The following CDH12 variants were observed in gnomAD, a reference collection of about 807,000 sequenced individuals.
CDH12 encodes the protein cadherin-12.
Under a neutral mutation model 74.1 loss-of-function variants are expected in CDH12, and 41 were observed. That is an observed-to-expected ratio of 0.55 (90% CI 0.43 to 0.72). The LOEUF is 0.72. Among genes scored for constraint, CDH12 ranks in the 30% least tolerant of loss-of-function variants. CDH12 has a pLI of 0.00. For missense variants in CDH12, 945 were observed against 977.2 expected (o/e 0.97, Z 0.44); for synonymous variants, 399 against 355.0 (o/e 1.12, Z -1.39).
chr5:21,991,608 A>G (rs550664885), intron 5 of CDH12, among the ~76,000 whole-genome samples: 2 of 12,850 alleles, frequency 1.6e-4, no homozygotes, highest in Admixed American at 8.1e-4. Flanking sequence ...GCTCATAAGA[A>G]CACAATCTGA....
At position 22,835,376 on chromosome 5, in the gene CDH12, G is replaced by A. The variant is rs564221738; in HGVS notation, c.-523+17682C>T. 2.0e-5 allele frequency among the ~76,000 whole-genome samples: 3 copies of A among 152,230 alleles called. No individual in the cohort carries two copies. In the South Asian group the frequency reaches 6.2e-4, roughly 32 times the overall value. ...CTAAAGGAAATATTGCAGATGGGAAGCAGCATTGTTATATTGCTATTTCAA... is the reference window on the plus strand; with the variant it reads ...CTAAAGGAAATATTGCAGATGGGAAACAGCATTGTTATATTGCTATTTCAA... On this transcript the variant is annotated intron_variant, in intron 1 of 14. Transcript: ENST00000382254.
intron 9 of CDH12, among the ~76,000 whole-genome samples, chr5:21,813,296 T>C (rs568280057): frequency 6.6e-6 from 1 of 152,098 alleles, no homozygotes; most frequent in Admixed American, 6.5e-5. Flanking sequence ...CTGACAAACA[T>C]GGTGAAACCC....
rs78979957 is a variant in CDH12 at position 21,763,846 on chromosome 5, A to G, written c.1515+1132T>C. On this transcript the variant is annotated intron_variant, in intron 12 of 14. Coordinates refer to ENST00000382254, the MANE Select transcript of CDH12 (RefSeq NM_004061.5). ...TCTTTCCTCATAACATCTTCCCACA[A>G]CTACATCTTCACAGAATAATATTAA... Among the ~76,000 whole-genome samples, 799 of 152,270 alleles carry G rather than the reference A, an allele frequency of 5.2e-3. 6 individuals are homozygous for G. Among genetic ancestry groups the G allele is most frequent in the African/African-American group, 0.018 (744 of 41,540 alleles).
chr5:22,382,851 A>T (rs1741828050), intron 3 of CDH12, among the ~76,000 whole-genome samples: 1 of 151,854 alleles, frequency 6.6e-6, no homozygotes, highest in Admixed American at 6.6e-5. Context: ...ATTTTTTGAG[A>T]CGGAGTTTCA....
At chr5:22,194,251 T>C (rs978724042) in intron 4 of CDH12, among the ~76,000 whole-genome samples, 8 of 151,920 alleles carry the variant, frequency 5.3e-5, no homozygotes, top group Middle Eastern at 3.2e-3. Flanking sequence ...GCTTACTTAA[T>C]GGTGTCTTAT....
chr5:22,524,218 T>C (rs1737173382), intron 1 of CDH12, among the ~76,000 whole-genome samples: 1 of 152,038 alleles, frequency 6.6e-6, no homozygotes, highest in South Asian at 2.1e-4. Context: ...AACTCCTGAG[T>C]TCAATCAATC....
At chr5:22,218,260 A>C (rs867595417) in intron 3 of CDH12, among the ~76,000 whole-genome samples, 1 of 151,742 alleles carries the variant, frequency 6.6e-6, no homozygotes, top group Admixed American at 6.6e-5. Flanking sequence ...CTCCAAAGAA[A>C]AAAAAGCATA....
intron 12 of CDH12, among the ~76,000 whole-genome samples, chr5:21,763,459 A>G (rs1000357927): frequency 6.6e-6 from 1 of 152,218 alleles, no homozygotes; most frequent in Non-Finnish European, 1.5e-5. Context: ...AAAAGATACT[A>G]AAGATTAAAT....
At chr5:22,156,067 T>G (rs1192570651) in intron 4 of CDH12, among the ~76,000 whole-genome samples, 2 of 152,142 alleles carry the variant, frequency 1.3e-5, no homozygotes, top group African/African-American at 4.8e-5. Flanking sequence ...CTGATATATA[T>G]ATATAAAAGA....
At chr5:22,036,108 G>GCACTGAAC (rs1416670158) in intron 5 of CDH12, among the ~76,000 whole-genome samples, 2 of 152,144 alleles carry the variant, frequency 1.3e-5, no homozygotes, top group African/African-American at 4.8e-5. Flanking sequence ...TATGATTGCT[G>GCACTGAAC]CACTGAACTA....
chr5:22,248,017 C>T (rs1753013886), intron 3 of CDH12, among the ~76,000 whole-genome samples: 1 of 152,178 alleles, frequency 6.6e-6, no homozygotes, highest in South Asian at 2.1e-4. Context: ...AATATCTCGG[C>T]CAGGTACAGT....
At chr5:21,919,602 G>T (rs2150070709) in intron 6 of CDH12, among the ~76,000 whole-genome samples, 1 of 152,244 alleles carries the variant, frequency 6.6e-6, no homozygotes, top group South Asian at 2.1e-4. Context: ...GCCACGTGCA[G>T]TATTTATTCT....
chr5:22,131,778 A>G (rs1394847996), intron 4 of CDH12, among the ~76,000 whole-genome samples: 2 of 152,094 alleles, frequency 1.3e-5, no homozygotes, highest in East Asian at 3.9e-4. Flanking sequence ...CTCCCTCTCA[A>G]TTTACAGAAA....
chr5:21,902,762 A>T lies in CDH12; in HGVS notation c.527-47972T>A, dbSNP rs185883460. Reference sequence around the variant, plus strand: ...ACTTTAATTTTGTTCAATTTTTTTTAAAATTTATTTTTAATTAGTCAATGT... The same window carrying T: ...ACTTTAATTTTGTTCAATTTTTTTTTAAATTTATTTTTAATTAGTCAATGT... On this transcript the variant is annotated intron_variant, in intron 6 of 14. Transcript: ENST00000382254. 4.3e-3 allele frequency among the ~76,000 whole-genome samples: 661 copies of T among 152,236 alleles called. 3 individuals carry two copies. The highest frequency in any genetic ancestry group is 0.015 in the African/African-American group (608 of 41,548).
intron 1 of CDH12, among the ~76,000 whole-genome samples, chr5:22,630,713 G>C (rs1191584084): frequency 6.6e-6 from 1 of 152,066 alleles, no homozygotes; most frequent in East Asian, 1.9e-4. Context: ...ATGCCATTCT[G>C]GACATAGGCC....
chr5:22,713,464 T>C (rs181059792), intron 1 of CDH12, among the ~76,000 whole-genome samples: 1 of 152,090 alleles, frequency 6.6e-6, no homozygotes, highest in African/African-American at 2.4e-5. Context: ...TTCTTTAGCC[T>C]TCTTGTCTTA....
At chr5:22,842,315 A>C (rs890349322) in intron 1 of CDH12, among the ~76,000 whole-genome samples, 10 of 152,166 alleles carry the variant, frequency 6.6e-5, no homozygotes, top group African/African-American at 1.2e-4. Flanking sequence ...CTAAAAAAAA[A>C]CTGTATGCAA....
intron 1 of CDH12, among the ~76,000 whole-genome samples, chr5:22,623,798 G>T (rs2126844824): frequency 6.6e-6 from 1 of 152,194 alleles, no homozygotes; most frequent in Admixed American, 6.5e-5. Flanking sequence ...TTTCTTCACA[G>T]AATTGGAAAA....
At chr5:22,483,482 A>T (rs1451347183) in intron 2 of CDH12, among the ~76,000 whole-genome samples, 4 of 151,410 alleles carry the variant, frequency 2.6e-5, no homozygotes, top group Non-Finnish European at 4.4e-5. Flanking sequence ...AAAAGTAAAC[A>T]AGTAAAGCCT....
Sources: allele counts gnomAD v4.1 joint callset (sites outside exome capture counted in the v4.1 genomes callset), GRCh38; gene constraint gnomAD v4.1.1; transcripts MANE v1.5; gene names NCBI Gene and HGNC (gene_info 2026-07-23, HGNC 2026-07-21).